Variants in MSI2 observed in about 807,000 individuals in gnomAD.
MSI2 encodes musashi RNA binding protein 2.
Under a neutral mutation model 45.6 loss-of-function variants are expected in MSI2, and 17 were observed. That is an observed-to-expected ratio of 0.37 (90% CI 0.26 to 0.56). The LOEUF (loss-of-function observed/expected upper bound fraction) is 0.56. MSI2 is among the 20% of genes least tolerant of loss of function. The pLI is 0.77. For missense variants in MSI2, 293 were observed against 444.2 expected (o/e 0.66, Z 3.06); for synonymous variants, 156 against 158.2 (o/e 0.99, Z 0.11).
intron 6 of MSI2, among the ~76,000 whole-genome samples, chr17:57,420,716 G>GC (rs1190822897): frequency 1.3e-5 from 2 of 152,038 alleles, no homozygotes; most frequent in Non-Finnish European, 2.9e-5. Flanking sequence ...TGTCCCATGG[G>GC]CTATCTGGAA....
intron 5 of MSI2, among the ~76,000 whole-genome samples, chr17:57,284,361 C>T (rs1224467474): frequency 6.6e-6 from 1 of 152,038 alleles, no homozygotes; most frequent in Non-Finnish European, 1.5e-5. Flanking sequence ...GTTTGTAGTA[C>T]AGCTGCTGGC....
intron 5 of MSI2, among the ~76,000 whole-genome samples, chr17:57,381,533 C>T (rs115398553): frequency 6.6e-6 from 1 of 152,118 alleles, no homozygotes; most frequent in Non-Finnish European, 1.5e-5. Context: ...CCTTCTTGTT[C>T]CTGTCCTGTA....
intron 10 of MSI2, among the ~76,000 whole-genome samples, chr17:57,636,004 G>A (rs541732407): frequency 5.9e-5 from 9 of 152,324 alleles, no homozygotes; most frequent in Non-Finnish European, 8.8e-5. Flanking sequence ...GGGGGAGTGG[G>A]GAGGGTTGGT....
intron 5 of MSI2, among the ~76,000 whole-genome samples, chr17:57,272,936 G>C (rs905709755): frequency 3.9e-5 from 6 of 152,168 alleles, no homozygotes; most frequent in African/African-American, 1.4e-4. Flanking sequence ...TTTCAACTCA[G>C]TTCCCTCTGG....
intron 6 of MSI2, among the ~76,000 whole-genome samples, chr17:57,447,696 G>T (rs1486227708): frequency 2.0e-5 from 3 of 152,118 alleles, no homozygotes; most frequent in African/African-American, 7.2e-5. Flanking sequence ...ATCATCCCCT[G>T]AGGAGTGCAC....
chr17:57,460,053 C>T (rs1413143025), intron 6 of MSI2, among the ~76,000 whole-genome samples: 2 of 151,442 alleles, frequency 1.3e-5, no homozygotes, highest in African/African-American at 2.4e-5. Flanking sequence ...TGCCTGAACC[C>T]GGGGGGTGGA....
rs1374478532 is a variant in MSI2 at position 57,430,522 on chromosome 17, T to C, written c.405+29051T>C. On this transcript the variant is annotated intron_variant, in intron 6 of 13. Coordinates refer to ENST00000284073, the MANE Select transcript of MSI2 (RefSeq NM_138962.4). Reference sequence around the variant, plus strand: ...CTGGTGCTGCAGGACAGCTGTTCCTTCATTCACTCAAAAGTTCTCGTTAAT... The same window carrying C: ...CTGGTGCTGCAGGACAGCTGTTCCTCCATTCACTCAAAAGTTCTCGTTAAT... Among the ~76,000 whole-genome samples the C allele has an allele frequency of 2.6e-5, 4 of 152,358 alleles. No homozygotes were observed. In the South Asian group the frequency reaches 8.3e-4, roughly 32 times the overall value.
chr17:57,531,101 G>C (rs181204429), intron 7 of MSI2, among the ~76,000 whole-genome samples: 1 of 152,118 alleles, frequency 6.6e-6, no homozygotes, highest in Non-Finnish European at 1.5e-5. Flanking sequence ...GGTGGTGCCC[G>C]TGGTGGGCAA....
chr17:57,677,124 C>A, intron 13 of MSI2, 65 bp downstream of exon 13: 1 of 1,097,062 alleles, frequency 9.1e-7, no homozygotes, highest in South Asian at 1.2e-5. Flanking sequence ...GTCCACAGGT[C>A]ATACATGCAC....
intron 3 of MSI2, 122 bp downstream of exon 3, chr17:57,257,669 G>C (rs147900268): frequency 1.5e-6 from 1 of 679,788 alleles, no homozygotes; most frequent in African/African-American, 1.8e-5. Flanking sequence ...GGCTGATCTC[G>C]AACGGCGCTC....
chr17:57,540,235 CTG>C (rs1330310220), intron 7 of MSI2, among the ~76,000 whole-genome samples: 1 of 152,224 alleles, frequency 6.6e-6, no homozygotes, highest in African/African-American at 2.4e-5. Context: ...GGAAGGCTAT[CTG>C]TAAATGTTAA....
intron 4 of MSI2, chr17:57,259,971 G>A (rs1292755824): frequency 6.6e-6 from 1 of 152,168 alleles, no homozygotes; most frequent in East Asian, 1.9e-4. Context: ...TTGTTTCAAC[G>A]TTCAGTGCAG....
chr17:57,508,596 A>T (rs1023476113), intron 6 of MSI2, among the ~76,000 whole-genome samples: 2 of 152,214 alleles, frequency 1.3e-5, no homozygotes, highest in African/African-American at 4.8e-5. Flanking sequence ...CATGGGACAT[A>T]AGCCCCTCTT....
At chr17:57,411,314 A>G (rs893065241) in intron 6 of MSI2, among the ~76,000 whole-genome samples, 1 of 152,142 alleles carries the variant, frequency 6.6e-6, no homozygotes, top group Admixed American at 6.5e-5. Context: ...GCCGATTTTT[A>G]TTCTTTAATA....
chr17:57,397,685 A>T (rs2083915480), intron 5 of MSI2, among the ~76,000 whole-genome samples: 1 of 152,206 alleles, frequency 6.6e-6, no homozygotes, highest in East Asian at 1.9e-4. Context: ...TCATGCTGGC[A>T]GCATTCTCAA....
intron 5 of MSI2, among the ~76,000 whole-genome samples, chr17:57,339,667 C>G (rs1410466052): frequency 6.6e-6 from 1 of 152,160 alleles, no homozygotes; most frequent in East Asian, 1.9e-4. Flanking sequence ...GACATTTTCT[C>G]TCCAAGGAAA....
intron 6 of MSI2, among the ~76,000 whole-genome samples, chr17:57,503,557 C>T (rs1039217743): frequency 6.6e-6 from 1 of 152,220 alleles, no homozygotes; most frequent in South Asian, 2.1e-4. Flanking sequence ...GGTCACTTCA[C>T]ACATCAGCAA....
At chr17:57,391,850 G>T (rs1293039332) in intron 5 of MSI2, among the ~76,000 whole-genome samples, 1 of 152,222 alleles carries the variant, frequency 6.6e-6, no homozygotes, top group East Asian at 1.9e-4. Context: ...AACAGTGAAG[G>T]TTTCTTACTT....
In MSI2 at chr17:57,459,783, C is replaced by T. The variant is rs139909784; in HGVS notation, c.405+58312C>T. Among the ~76,000 whole-genome samples, 763 of 151,836 alleles carry T rather than the reference C, an allele frequency of 5.0e-3. 3 individuals are homozygous for T. Among genetic ancestry groups the T allele is most frequent in the African/African-American group, 0.018 (729 of 41,406 alleles). On this transcript the variant is annotated intron_variant, in intron 6 of 13. Coordinates refer to ENST00000284073, the MANE Select transcript of MSI2 (RefSeq NM_138962.4). ...CTGAGGCAGGAGGATTGTTTGAGCC[C>T]AGGAATTCAAGACCAGCCTGGGCAA...
Sources: gnomAD v4.1 joint callset for allele counts (sites outside exome capture counted in the v4.1 genomes callset) on GRCh38, gnomAD v4.1.1 for gene constraint, MANE v1.5 for transcripts, NCBI Gene and HGNC (gene_info 2026-07-23, HGNC 2026-07-21) for gene names.